RNF115: variants seen among roughly 807,000 people sequenced by gnomAD.
The protein encoded by RNF115 is E3 ubiquitin-protein ligase RNF115.
A neutral mutation model predicts 39.2 loss-of-function variants in RNF115; 31 were observed. The observed-to-expected ratio is 0.79, with a 90% CI of 0.59 to 1.07. RNF115 has a LOEUF of 1.07. Ranked by LOEUF, RNF115 falls within the 50% of genes least tolerant of loss-of-function variation. The probability of loss-of-function intolerance (pLI) is 0.00; values close to 1 mark genes in which losing one functional copy is unlikely to be tolerated. For synonymous variants in RNF115, 124 were observed against 131.0 expected (o/e 0.95, Z 0.37); for missense variants, 384 against 381.7 (o/e 1.01, Z -0.05).
chr1:145,754,786 AATTC>A (rs782488812), intron 4 of RNF115, among the ~76,000 whole-genome samples: 76 of 152,124 alleles, frequency 5.0e-4, no homozygotes, highest in Non-Finnish European at 9.0e-4. Context: ...TGCTTCTATG[AATTC>A]ATTGTGTTTT....
Position 145,755,713 on chromosome 1 carries a change from A to G in RNF115, c.429-2664T>C, listed in dbSNP as rs587641045. Among the ~76,000 whole-genome samples, 8 of 152,284 alleles carry G rather than the reference A, an allele frequency of 5.3e-5. No individual in the cohort carries two copies. The South Asian group carries it at 1.7e-3, about 32-fold the overall frequency. ...TTAAAAGGACTTTGAGGAGAGCATC[A>G]GTGAAGTTTGAAGAGCCTTAAAAAA... On this transcript the variant is annotated intron_variant, in intron 4 of 8. Coordinates refer to ENST00000582693, the MANE Select transcript of RNF115 (RefSeq NM_014455.4).
intron 1 of RNF115, among the ~76,000 whole-genome samples, chr1:145,813,720 G>C (rs1217604990): frequency 6.6e-6 from 1 of 151,502 alleles, no homozygotes; most frequent in Non-Finnish European, 1.5e-5. Flanking sequence ...TTTTCTTACT[G>C]AAAATTCACT....
At chr1:145,813,033 A>G (rs1352017473) in intron 1 of RNF115, among the ~76,000 whole-genome samples, 2 of 148,942 alleles carry the variant, frequency 1.3e-5, no homozygotes, top group African/African-American at 4.9e-5. Flanking sequence ...AAACTTCTGT[A>G]TGTGAAACTA....
chr1:145,821,457 CTTTTTTT>C (rs1172613737), intron 1 of RNF115, among the ~76,000 whole-genome samples: 16 of 47,496 alleles, frequency 3.4e-4, no homozygotes, highest in Admixed American at 6.3e-4. Flanking sequence ...TCTTCTCACT[CTTTTTTT>C]TTTTTTTTTT....
intron 4 of RNF115, among the ~76,000 whole-genome samples, chr1:145,764,361 C>G (rs1209049803): frequency 6.6e-6 from 1 of 152,182 alleles, no homozygotes; most frequent in African/African-American, 2.4e-5. Flanking sequence ...AGGAGCGTCT[C>G]TGCCCGGCCG....
intron 1 of RNF115, among the ~76,000 whole-genome samples, chr1:145,798,420 G>GAGAC (rs1444599207): frequency 1.3e-5 from 2 of 152,130 alleles, no homozygotes; most frequent in African/African-American, 4.8e-5. Context: ...GTTTGCTGAA[G>GAGAC]AGACTGTCCT....
At chr1:145,757,038 A>C (rs754144771) in intron 4 of RNF115, among the ~76,000 whole-genome samples, 1 of 151,632 alleles carries the variant, frequency 6.6e-6, no homozygotes, top group African/African-American at 2.4e-5. Flanking sequence ...GTTTTACCAC[A>C]TTGGCCAGGC....
chr1:145,756,457 C>CA (rs58903363), intron 4 of RNF115, among the ~76,000 whole-genome samples: 7,445 of 139,014 alleles, frequency 0.054, 615 homozygotes, highest in African/African-American at 0.18. Context: ...GAGACTGTCT[C>CA]AAAAAAAAAA....
rs587624106 is a variant in RNF115 at position 145,759,421 on chromosome 1, T to C, written c.429-6372A>G. Among the ~76,000 whole-genome samples the C allele has an allele frequency of 3.9e-5, 6 of 152,318 alleles. No homozygotes were observed. In the South Asian group the frequency reaches 1.0e-3, roughly 26 times the overall value. ...TAATGTTCCCCATGTCAGTGGATGG[T>C]GGCTCCATTCTTCTTGTTTTCAGGC... is the stretch of plus-strand genomic sequence containing the variant. On this transcript the variant is annotated intron_variant, in intron 4 of 8. Transcript: ENST00000582693.
chr1:145,797,625 G>A (rs587738248), intron 1 of RNF115, among the ~76,000 whole-genome samples: 1 of 152,110 alleles, frequency 6.6e-6, no homozygotes, highest in South Asian at 2.1e-4. Flanking sequence ...ATATCTCTCT[G>A]AGGTCCTGCA....
intron 3 of RNF115, among the ~76,000 whole-genome samples, chr1:145,781,226 T>G (rs1553717351): frequency 6.6e-6 from 1 of 152,196 alleles, no homozygotes; most frequent in African/African-American, 2.4e-5. Flanking sequence ...ATAGACAGTA[T>G]TTTAAGAATT....
rs983922316 is a variant in RNF115 at position 145,746,706 on chromosome 1, C to T, written c.*160G>A. ...GTAGATACAATTCCATCTGTAGATA[C>T]TAACTTTAAATTTAAAGAAGAAAAA... On this transcript the variant is annotated 3_prime_UTR_variant, in exon 9 of 9. Coordinates refer to ENST00000582693, the MANE Select transcript of RNF115 (RefSeq NM_014455.4). 7 of 690,686 alleles carry T rather than the reference C, an allele frequency of 1.0e-5. No homozygotes were observed. The highest frequency in any genetic ancestry group is 2.8e-5 in the East Asian group (1 of 35,718). 42.8% of individuals were successfully genotyped at this position (690,686 alleles called of 1,614,324 possible). A position where few individuals can be genotyped will look rare whatever the true frequency, so the allele number is the denominator to read the frequency against.
At chr1:145,786,941 G>T in intron 2 of RNF115, 1 of 619,374 alleles carries the variant, frequency 1.6e-6, no homozygotes. Context: ...GCCACATATT[G>T]CCCCAGAAGC....
intron 1 of RNF115, among the ~76,000 whole-genome samples, chr1:145,798,670 T>G (rs1216421281): frequency 6.6e-6 from 1 of 152,198 alleles, no homozygotes; most frequent in Non-Finnish European, 1.5e-5. Flanking sequence ...CCAAATTAAT[T>G]TTGGGATGAA....
chr1:145,788,810 G>T, intron 2 of RNF115, 98 bp downstream of exon 2: 1 of 870,238 alleles, frequency 1.1e-6, no homozygotes, highest in Non-Finnish European at 1.9e-6. Flanking sequence ...TCTCTGTAGA[G>T]TGTAAGTTGT....
chr1:145,800,987 G>A (rs587702489), intron 1 of RNF115, among the ~76,000 whole-genome samples: 33 of 152,108 alleles, frequency 2.2e-4, no homozygotes, highest in Admixed American at 9.2e-4. Context: ...TGGCTAACAC[G>A]GTGAAACCCC....
chr1:145,805,228 C>T (rs1553721442), intron 1 of RNF115, among the ~76,000 whole-genome samples: 2 of 152,158 alleles, frequency 1.3e-5, no homozygotes. Flanking sequence ...TCTAATTCAA[C>T]TCACAGCAGG....
At chr1:145,747,844 C>G in intron 8 of RNF115, 151 bp downstream of exon 8, 1 of 601,974 alleles carries the variant, frequency 1.7e-6, no homozygotes, top group Non-Finnish European at 3.0e-6. Context: ...AGTTTGCAAC[C>G]CTTGGTCAGA....
Position 145,771,807 on chromosome 1 carries a change from G to T in RNF115, c.332C>A (p.Thr111Asn). The T allele has an allele frequency of 6.2e-7, 1 of 1,614,100 alleles. No homozygotes were observed. Among genetic ancestry groups the T allele is most frequent in the Non-Finnish European group, 8.5e-7 (1 of 1,179,930 alleles). ...RANERGHQTH[T>N]DFWGARPPRL... ...TGGAGGTCTTGCTCCCCAGAAGTCA[G>T]TGTGAGTCTGGTGACCCCTTTCATT... Residue 111 changes from threonine (T) to asparagine (N), a missense_variant, in exon 4 of 9, where the codon ACT (threonine) becomes AAT (asparagine). Transcript: ENST00000582693.
Sources: allele counts gnomAD v4.1 joint callset (sites outside exome capture counted in the v4.1 genomes callset), GRCh38; gene constraint gnomAD v4.1.1; transcripts MANE v1.5; gene names NCBI Gene and HGNC (gene_info 2026-07-23, HGNC 2026-07-21).